Variants in CAMTA1 observed in about 807,000 individuals in gnomAD.
CAMTA1 encodes the protein calmodulin binding transcription activator 1, also known as calmodulin-binding transcription activator 1.
In CAMTA1, 27 loss-of-function variants were observed where a neutral mutation model predicts 170.9. That is an observed-to-expected ratio of 0.16 (90% CI 0.12 to 0.22). The LOEUF (loss-of-function observed/expected upper bound fraction) is 0.22. CAMTA1 is among the 10% of genes least tolerant of loss of function. CAMTA1 has a pLI of 1.00. For missense variants in CAMTA1, 1,619 were observed against 2,217.2 expected (o/e 0.73, Z 5.42); for synonymous variants, 833 against 891.5 (o/e 0.93, Z 1.17).
intron 4 of CAMTA1, among the ~76,000 whole-genome samples, chr1:7,161,813 G>T (rs1277893102): frequency 2.6e-5 from 4 of 152,200 alleles, no homozygotes; most frequent in African/African-American, 9.7e-5. Context: ...TGAAGGACGG[G>T]CAAGGGTCTC....
chr1:7,498,282 G>A (rs958689244), intron 6 of CAMTA1, among the ~76,000 whole-genome samples: 7 of 150,500 alleles, frequency 4.7e-5, no homozygotes, highest in South Asian at 2.1e-4. Flanking sequence ...GTGAGTGTGA[G>A]CGTGTATGAG....
intron 1 of CAMTA1, among the ~76,000 whole-genome samples, chr1:6,790,502 A>G (rs1458243067): frequency 6.6e-6 from 1 of 152,072 alleles, no homozygotes; most frequent in Non-Finnish European, 1.5e-5. Context: ...CTTATTTAAT[A>G]TTTGAACGGC....
intron 5 of CAMTA1, among the ~76,000 whole-genome samples, chr1:7,255,715 G>C (rs999806401): frequency 6.6e-6 from 1 of 152,188 alleles, no homozygotes; most frequent in Non-Finnish European, 1.5e-5. Flanking sequence ...GTAACAAGGA[G>C]TCTCCACAGA....
intron 3 of CAMTA1, among the ~76,000 whole-genome samples, chr1:6,925,014 C>T (rs1437385891): frequency 3.9e-5 from 6 of 152,232 alleles, no homozygotes; most frequent in South Asian, 2.1e-4. Context: ...CCTTCACGGC[C>T]GGTGTGCTGA....
intron 11 of CAMTA1, among the ~76,000 whole-genome samples, chr1:7,696,510 A>T (rs3011929): frequency 0.7 from 103,419 of 148,512 alleles, 35,875 homozygotes; most frequent in East Asian, 0.89. Context: ...TTTTTTTTTT[A>T]AAATAAATGT....
rs1480437283 is a variant in CAMTA1, at chr1:7,091,432, A to T, written c.302+61A>T. 7 of 1,294,258 alleles carry T rather than the reference A, an allele frequency of 5.4e-6. No homozygotes were observed. The Admixed American group carries it at 1.0e-4, about 19-fold the overall frequency. The allele number at this position is 1,294,258 out of a possible 1,614,324, so 80.2% of individuals were successfully genotyped here. On this transcript the variant is annotated intron_variant, in intron 4 of 22. Transcript: ENST00000303635. The stretch of plus-strand genomic sequence containing the variant: ...ACCATAAGTGGATTGATTTGCATTG[A>T]TTACCTGATTTGGCCAGTGAATTCA...
At position 7,463,330 on chromosome 1, in the gene CAMTA1, CAG is replaced by C. The variant is rs1297541157; in HGVS notation, c.439-4496_439-4495del. Among the ~76,000 whole-genome samples, 1 of 151,724 alleles carries C rather than the reference CAG, an allele frequency of 6.6e-6. No individual in the cohort carries two copies. Among genetic ancestry groups the C allele is most frequent in the Non-Finnish European group, 1.5e-5 (1 of 67,950 alleles). On this transcript the variant is annotated intron_variant, in intron 5 of 22. Coordinates refer to ENST00000303635, the MANE Select transcript of CAMTA1 (RefSeq NM_015215.4). This position sits in a 1 kb window ranked among gnomAD's most constrained non-coding sequence, Gnocchi z 4.7. ...CAGAGACAGGGACAGGCAAGGGAAA[CAG>C]AGACAGGGAGAGACAGAGAGACAGA...
intron 3 of CAMTA1, among the ~76,000 whole-genome samples, chr1:7,013,057 C>T (rs941698534): frequency 2.0e-5 from 3 of 152,140 alleles, no homozygotes; most frequent in African/African-American, 7.2e-5. Context: ...CTCGTCTCCA[C>T]ACGTCCAGAC....
intron 6 of CAMTA1, among the ~76,000 whole-genome samples, chr1:7,603,146 G>A (rs2095460015): frequency 6.6e-6 from 1 of 152,206 alleles, no homozygotes; most frequent in African/African-American, 2.4e-5. Context: ...GTGCTGAAAA[G>A]AATGTATATT....
intron 4 of CAMTA1, among the ~76,000 whole-genome samples, chr1:7,176,115 G>A (rs1206738950): frequency 1.3e-5 from 2 of 152,186 alleles, no homozygotes; most frequent in East Asian, 1.9e-4. Flanking sequence ...GGGGTATAGC[G>A]GGGATAGATA....
chr1:7,631,493 G>A (rs2095668672), intron 6 of CAMTA1, among the ~76,000 whole-genome samples: 3 of 152,194 alleles, frequency 2.0e-5, no homozygotes, highest in Admixed American at 1.3e-4. Flanking sequence ...CTTGAATGTG[G>A]AGCCCGAGAC....
At chr1:6,916,765 G>C (rs1018292557) in intron 3 of CAMTA1, among the ~76,000 whole-genome samples, 1 of 152,154 alleles carries the variant, frequency 6.6e-6, no homozygotes, top group East Asian at 1.9e-4. Flanking sequence ...CAGTAGATAC[G>C]TTTTCTGCTT....
intron 5 of CAMTA1, among the ~76,000 whole-genome samples, chr1:7,342,020 G>A (rs1230311349): frequency 6.6e-6 from 1 of 152,144 alleles, no homozygotes; most frequent in East Asian, 1.9e-4. Context: ...AATACCTCAG[G>A]GAGTCTTCAT....
rs117082786 is a variant in CAMTA1, at chr1:6,915,245, G to A, written c.234+90035G>A. ...AAAAAGAAAAGCATATATTTATGAA[G>A]GTTTCAGAGATTAGATTTTTTTACT... On this transcript the variant is annotated intron_variant, in intron 3 of 22. Coordinates refer to ENST00000303635, the MANE Select transcript of CAMTA1 (RefSeq NM_015215.4). Among the ~76,000 whole-genome samples, 12 of 152,286 alleles carry A rather than the reference G, an allele frequency of 7.9e-5. No homozygotes were observed. The East Asian group carries it at 2.1e-3, about 27-fold the overall frequency.
chr1:7,160,318 CT>C (rs1169145559), intron 4 of CAMTA1, among the ~76,000 whole-genome samples: 2 of 152,184 alleles, frequency 1.3e-5, no homozygotes, highest in African/African-American at 2.4e-5. Flanking sequence ...TTTACTCCCC[CT>C]GTCCCTCCCC....
chr1:7,529,471 T>C (rs1157960200), intron 6 of CAMTA1, among the ~76,000 whole-genome samples: 1 of 151,978 alleles, frequency 6.6e-6, no homozygotes, highest in Non-Finnish European at 1.5e-5. Context: ...CCCTTCGAGG[T>C]AGAAAACATT....
intron 6 of CAMTA1, among the ~76,000 whole-genome samples, chr1:7,624,203 C>T (rs1490711916): frequency 2.0e-5 from 3 of 152,222 alleles, no homozygotes; most frequent in African/African-American, 2.4e-5. Flanking sequence ...GGTTGCCTTG[C>T]GCCTGTGCAG....
At position 6,934,920 on chromosome 1, in the gene CAMTA1, C is replaced by T. The variant is rs895317000; in HGVS notation, c.234+109710C>T. Among the ~76,000 whole-genome samples, 3 of 152,174 alleles carry T rather than the reference C, an allele frequency of 2.0e-5. No homozygotes were observed. Among genetic ancestry groups the T allele is most frequent in the African/African-American group, 7.2e-5 (3 of 41,442 alleles). ...CCAAACTCCTTAGGCCAGTCGAAAG[C>T]ACCTAACTCAGACCACAGGCAGCAA... On this transcript the variant is annotated intron_variant, in intron 3 of 22. Transcript: ENST00000303635. This position sits in a 1 kb window ranked among gnomAD's most constrained non-coding sequence, Gnocchi z 4.5.
intron 4 of CAMTA1, among the ~76,000 whole-genome samples, chr1:7,157,508 C>A (rs1646966851): frequency 6.6e-6 from 1 of 151,742 alleles, no homozygotes; most frequent in Non-Finnish European, 1.5e-5. Flanking sequence ...TATAACACAC[C>A]CACCCTACTG....
Sources: gnomAD v4.1 joint callset for allele counts (sites outside exome capture counted in the v4.1 genomes callset) on GRCh38, gnomAD v4.1.1 for gene constraint, Gnocchi (gnomAD v3.1) non-coding constraint, MANE v1.5 for transcripts, NCBI Gene and HGNC (gene_info 2026-07-23, HGNC 2026-07-21) for gene names.